MAGI1: variants seen among roughly 807,000 people sequenced by gnomAD.
MAGI1 encodes the protein membrane associated guanylate kinase, WW and PDZ domain containing 1.
MAGI1 carries 58 observed loss-of-function variants against 139.9 expected under a neutral mutation model. The observed-to-expected ratio is 0.41, with a 90% CI of 0.34 to 0.52. MAGI1 has a LOEUF of 0.52. Among genes scored for constraint, MAGI1 ranks in the 20% least tolerant of loss-of-function variants. The pLI, the probability that MAGI1 is intolerant of heterozygous loss-of-function variation, is 0.12. For missense variants in MAGI1, 1,874 were observed against 1,901.6 expected (o/e 0.99, Z 0.27); for synonymous variants, 812 against 737.9 (o/e 1.10, Z -1.63).
At chr3:65,915,449 G>A (rs1291464704) in intron 1 of MAGI1, among the ~76,000 whole-genome samples, 1 of 152,188 alleles carries the variant, frequency 6.6e-6, no homozygotes, top group Admixed American at 6.5e-5. Context: ...TCCAGCAGAT[G>A]ATCTGCACAC....
chr3:65,506,605 T>C (rs1319555262), intron 2 of MAGI1, among the ~76,000 whole-genome samples: 1 of 152,168 alleles, frequency 6.6e-6, no homozygotes, highest in African/African-American at 2.4e-5. Context: ...AATCACAAAG[T>C]CAACACATTC....
chr3:65,827,737 T>G (rs1247778231), intron 1 of MAGI1, among the ~76,000 whole-genome samples: 2 of 152,216 alleles, frequency 1.3e-5, no homozygotes, highest in Non-Finnish European at 2.9e-5. Context: ...TGGAAGAAGC[T>G]GCATAATGTT....
At chr3:65,418,333 T>A (rs1163719011) in intron 12 of MAGI1, among the ~76,000 whole-genome samples, 2 of 152,326 alleles carry the variant, frequency 1.3e-5, no homozygotes, top group African/African-American at 4.8e-5. Flanking sequence ...ACAAACAATA[T>A]CCTCAGTCCT....
intron 1 of MAGI1, among the ~76,000 whole-genome samples, chr3:65,953,644 T>A (rs2063971310): frequency 6.6e-6 from 1 of 152,188 alleles, no homozygotes; most frequent in East Asian, 1.9e-4. Context: ...CAAGGCCACA[T>A]TCTTTCCTCC....
chr3:65,977,411 A>G (rs2065318823), intron 1 of MAGI1, among the ~76,000 whole-genome samples: 2 of 152,084 alleles, frequency 1.3e-5, no homozygotes, highest in Non-Finnish European at 1.5e-5. Context: ...TGCCACCCTT[A>G]TAATAAAATC....
At chr3:65,582,184 C>T (rs1293768120) in intron 2 of MAGI1, among the ~76,000 whole-genome samples, 2 of 152,206 alleles carry the variant, frequency 1.3e-5, no homozygotes, top group Non-Finnish European at 2.9e-5. Context: ...TTTTAGGCTG[C>T]TTTCCAGCTA....
intron 2 of MAGI1, among the ~76,000 whole-genome samples, chr3:65,550,342 T>G (rs909372038): frequency 6.6e-6 from 1 of 152,158 alleles, no homozygotes; most frequent in Non-Finnish European, 1.5e-5. Context: ...AAGTTCAAAG[T>G]CCTGGATCTT....
chr3:65,762,452 G>A (rs2037113325), intron 1 of MAGI1, among the ~76,000 whole-genome samples: 1 of 151,608 alleles, frequency 6.6e-6, no homozygotes, highest in South Asian at 2.1e-4. Context: ...AGAATGGGAA[G>A]GCGGAAAAAA....
chr3:65,603,687 T>C (rs767905192), intron 2 of MAGI1, among the ~76,000 whole-genome samples: 1 of 152,234 alleles, frequency 6.6e-6, no homozygotes, highest in Non-Finnish European at 1.5e-5. Flanking sequence ...TCTTTCTTTG[T>C]GTTGCTATAA....
intron 1 of MAGI1, among the ~76,000 whole-genome samples, chr3:65,622,290 G>A (rs577896118): frequency 6.6e-6 from 1 of 152,166 alleles, no homozygotes; most frequent in African/African-American, 2.4e-5. Flanking sequence ...CACTGGCAAT[G>A]CATTAATTTA....
intron 1 of MAGI1, among the ~76,000 whole-genome samples, chr3:65,974,161 C>A (rs2065140551): frequency 1.3e-5 from 2 of 151,878 alleles, no homozygotes; most frequent in South Asian, 4.2e-4. Context: ...TCTTGTTTTG[C>A]TGAAGACAAC....
In MAGI1 at chr3:65,807,955, G is replaced by C. The variant is rs1343780318; in HGVS notation, c.314-185867C>G. On this transcript the variant is annotated intron_variant, in intron 1 of 22. Coordinates refer to ENST00000402939, the MANE Select transcript of MAGI1 (RefSeq NM_001033057.2). Reference sequence around the variant, plus strand: ...GACCCAGCCAGGTGTGGTGGCTCACGCCTGTAATCCAGCACTTTGAGAGGC... The same window carrying C: ...GACCCAGCCAGGTGTGGTGGCTCACCCCTGTAATCCAGCACTTTGAGAGGC... Among the ~76,000 whole-genome samples the C allele has an allele frequency of 4.6e-5, 7 of 151,866 alleles. No homozygotes were observed. In the East Asian group the frequency reaches 1.2e-3, roughly 25 times the overall value.
At chr3:65,750,536 T>G (rs547818664) in intron 1 of MAGI1, among the ~76,000 whole-genome samples, 1 of 152,228 alleles carries the variant, frequency 6.6e-6, no homozygotes, top group Admixed American at 6.5e-5. Flanking sequence ...TTCACACACA[T>G]TTTAGAAACA....
chr3:65,865,287 C>T (rs34472769), intron 1 of MAGI1, among the ~76,000 whole-genome samples: 6,748 of 152,204 alleles, frequency 0.044, 218 homozygotes, highest in Non-Finnish European at 0.065. Context: ...AAATCCTAAA[C>T]GGCACCTGTT....
chr3:65,864,494 T>A (rs1368241696), intron 1 of MAGI1, among the ~76,000 whole-genome samples: 2 of 152,202 alleles, frequency 1.3e-5, no homozygotes, highest in Non-Finnish European at 1.5e-5. Context: ...GCCTGGACTG[T>A]CAAGGCCACC....
intron 1 of MAGI1, among the ~76,000 whole-genome samples, chr3:65,837,580 C>T (rs1386936439): frequency 6.6e-6 from 1 of 152,218 alleles, no homozygotes; most frequent in Non-Finnish European, 1.5e-5. Flanking sequence ...CTTACCCAAC[C>T]ATGGGGGCCA....
At chr3:65,599,520 T>C (rs2082382961) in intron 2 of MAGI1, among the ~76,000 whole-genome samples, 1 of 152,116 alleles carries the variant, frequency 6.6e-6, no homozygotes, top group Non-Finnish European at 1.5e-5. Context: ...ACTCCATCTT[T>C]CCATTTTCCA....
At chr3:65,729,075 A>G (rs939036836) in intron 1 of MAGI1, among the ~76,000 whole-genome samples, 1 of 148,610 alleles carries the variant, frequency 6.7e-6, no homozygotes, top group Admixed American at 6.8e-5. Context: ...ATTATCCAAT[A>G]AAAACAAATC....
chr3:65,926,969 T>C (rs568555749), intron 1 of MAGI1, among the ~76,000 whole-genome samples: 3 of 152,184 alleles, frequency 2.0e-5, no homozygotes, highest in Non-Finnish European at 4.4e-5. Flanking sequence ...CACACCAGCC[T>C]GGGCAACAAG....
Sources: gnomAD v4.1 joint callset for allele counts (sites outside exome capture counted in the v4.1 genomes callset) on GRCh38, gnomAD v4.1.1 for gene constraint, MANE v1.5 for transcripts, NCBI Gene and HGNC (gene_info 2026-07-23, HGNC 2026-07-21) for gene names.